Variants in LRRC4C observed in about 807,000 individuals in gnomAD.
The protein encoded by LRRC4C is leucine-rich repeat-containing protein 4C.
Under a neutral mutation model 33.6 loss-of-function variants are expected in LRRC4C, and 5 were observed. The observed-to-expected ratio is 0.15, with a 90% CI of 0.08 to 0.31. The LOEUF is 0.31. Ranked by LOEUF, LRRC4C falls within the 10% of genes least tolerant of loss-of-function variation. LRRC4C has a pLI of 1.00. For synonymous variants in LRRC4C, 329 were observed against 302.0 expected (o/e 1.09, Z -0.93); for missense variants, 560 against 796.7 (o/e 0.70, Z 3.58).
chr11:41,187,383 G>A (rs768958031), intron 1 of LRRC4C, among the ~76,000 whole-genome samples: 10 of 152,144 alleles, frequency 6.6e-5, no homozygotes, highest in African/African-American at 1.9e-4. Flanking sequence ...ATGCACTGGC[G>A]AAAGAGCACA....
At chr11:40,814,002 C>A (rs185268988) in intron 2 of LRRC4C, among the ~76,000 whole-genome samples, 1 of 152,168 alleles carries the variant, frequency 6.6e-6, no homozygotes, top group Non-Finnish European at 1.5e-5. Context: ...GCTGCTTTCA[C>A]AGGCTAGCAT....
At chr11:40,591,315 C>T (rs577226054) in intron 3 of LRRC4C, among the ~76,000 whole-genome samples, 2 of 152,278 alleles carry the variant, frequency 1.3e-5, no homozygotes, top group South Asian at 4.1e-4. Flanking sequence ...CTTAGTGAGG[C>T]AATGCCTCGC....
At chr11:40,891,349 C>T (rs1213337195) in intron 2 of LRRC4C, among the ~76,000 whole-genome samples, 1 of 152,148 alleles carries the variant, frequency 6.6e-6, no homozygotes, top group Non-Finnish European at 1.5e-5. Flanking sequence ...CAATTGAATT[C>T]TAAAAGTATT....
chr11:40,898,093 G>A (rs747201419), intron 2 of LRRC4C, among the ~76,000 whole-genome samples: 14 of 152,034 alleles, frequency 9.2e-5, no homozygotes, highest in Non-Finnish European at 1.9e-4. Context: ...GGTGGCTTAC[G>A]CCTGTAATCC....
chr11:40,245,157 A>G lies in LRRC4C; in HGVS notation c.-175-3559T>C, dbSNP rs560663124. ...TCAGTCTTGGCCATTTCCTGAGACC[A>G]ACTAGGAATTGTGTTCAAATTCATC... is the stretch of plus-strand genomic sequence containing the variant. On this transcript the variant is annotated intron_variant, in intron 4 of 6. Coordinates refer to ENST00000528697, the MANE Select transcript of LRRC4C (RefSeq NM_001258419.2). Among the ~76,000 whole-genome samples the G allele has an allele frequency of 2.6e-5, 4 of 152,292 alleles. No individual in the cohort carries two copies. The East Asian group carries it at 7.7e-4, about 29-fold the overall frequency.
intron 1 of LRRC4C, among the ~76,000 whole-genome samples, chr11:41,094,512 A>G (rs1196260804): frequency 2.0e-5 from 3 of 152,164 alleles, no homozygotes; most frequent in African/African-American, 7.2e-5. Flanking sequence ...CAACACAGCG[A>G]GACTCTGTCT....
intron 1 of LRRC4C, among the ~76,000 whole-genome samples, chr11:41,269,672 C>T (rs1949261482): frequency 1.3e-5 from 2 of 152,008 alleles, no homozygotes; most frequent in South Asian, 4.2e-4. Flanking sequence ...CGCTGATTTT[C>T]CTGAGTAAAT....
intron 1 of LRRC4C, among the ~76,000 whole-genome samples, chr11:41,425,049 G>T (rs1954993821): frequency 6.6e-6 from 1 of 151,990 alleles, no homozygotes; most frequent in Non-Finnish European, 1.5e-5. Context: ...ATTTCAAAAA[G>T]GTTTCTCATT....
chr11:41,029,391 T>C (rs1420017902), intron 1 of LRRC4C, among the ~76,000 whole-genome samples: 1 of 151,764 alleles, frequency 6.6e-6, no homozygotes, highest in African/African-American at 2.4e-5. Context: ...GCAAAATATA[T>C]TCTAAGGGGT....
At chr11:40,938,439 CAAT>C (rs1325684905) in intron 1 of LRRC4C, among the ~76,000 whole-genome samples, 2 of 152,042 alleles carry the variant, frequency 1.3e-5, no homozygotes, top group Non-Finnish European at 1.5e-5. Flanking sequence ...ACAACAACAA[CAAT>C]AATAACAATG....
intron 1 of LRRC4C, among the ~76,000 whole-genome samples, chr11:41,333,524 A>G (rs1295583637): frequency 1.3e-5 from 2 of 152,220 alleles, no homozygotes; most frequent in Non-Finnish European, 2.9e-5. Context: ...GTGACCAGCA[A>G]TAATAGACAT....
intron 1 of LRRC4C, among the ~76,000 whole-genome samples, chr11:41,292,887 G>C (rs1950030942): frequency 6.6e-6 from 1 of 152,138 alleles, no homozygotes; most frequent in Non-Finnish European, 1.5e-5. Context: ...TTCACATGCT[G>C]TGAGTTGGCA....
At chr11:41,142,373 G>A (rs1168479361) in intron 1 of LRRC4C, among the ~76,000 whole-genome samples, 5 of 152,138 alleles carry the variant, frequency 3.3e-5, no homozygotes, top group Non-Finnish European at 7.4e-5. Context: ...CCAGATTGCT[G>A]AGACTAACTC....
At chr11:40,400,325 A>G (rs1003326373) in intron 3 of LRRC4C, among the ~76,000 whole-genome samples, 1 of 152,096 alleles carries the variant, frequency 6.6e-6, no homozygotes, top group African/African-American at 2.4e-5. Flanking sequence ...TCTATTTCCT[A>G]AAAATTATTT....
Position 41,141,702 on chromosome 11 carries a change from G to A in LRRC4C, c.-495-207979C>T, listed in dbSNP as rs142646729. On this transcript the variant is annotated intron_variant, in intron 1 of 6. Coordinates refer to ENST00000528697, the MANE Select transcript of LRRC4C (RefSeq NM_001258419.2). ...CATTCATTCTCTCTCCTGCCACCCTGTGAAGAGGTGCCTCCCACCATGATT... is the reference window on the plus strand; with the variant it reads ...CATTCATTCTCTCTCCTGCCACCCTATGAAGAGGTGCCTCCCACCATGATT... Among the ~76,000 whole-genome samples, 1,061 of 152,172 alleles carry A rather than the reference G, an allele frequency of 7.0e-3. 9 individuals are homozygous for A. The highest frequency in any genetic ancestry group is 0.024 in the African/African-American group (992 of 41,536).
intron 1 of LRRC4C, among the ~76,000 whole-genome samples, chr11:41,371,748 T>A (rs1284573939): frequency 6.6e-6 from 1 of 152,210 alleles, no homozygotes; most frequent in Non-Finnish European, 1.5e-5. Context: ...TCCTACCTAC[T>A]CCAGCCCTTT....
chr11:40,982,510 A>C (rs1852615619), intron 1 of LRRC4C, among the ~76,000 whole-genome samples: 1 of 152,186 alleles, frequency 6.6e-6, no homozygotes, highest in South Asian at 2.1e-4. Flanking sequence ...TATGCATGCC[A>C]ATCAGCCTGT....
At chr11:40,420,562 G>T (rs370558024) in intron 3 of LRRC4C, among the ~76,000 whole-genome samples, 1 of 152,054 alleles carries the variant, frequency 6.6e-6, no homozygotes, top group East Asian at 1.9e-4. Context: ...CTTCTTGGGG[G>T]ACTAACACAA....
At chr11:41,004,381 C>T (rs961963502) in intron 1 of LRRC4C, among the ~76,000 whole-genome samples, 2 of 152,100 alleles carry the variant, frequency 1.3e-5, no homozygotes, top group African/African-American at 4.8e-5. Context: ...AGTACATCAA[C>T]ATTATCAGCA....
Sources: allele counts gnomAD v4.1 joint callset (sites outside exome capture counted in the v4.1 genomes callset), GRCh38; gene constraint gnomAD v4.1.1; transcripts MANE v1.5; gene names NCBI Gene and HGNC (gene_info 2026-07-23, HGNC 2026-07-21).